Variants in COL28A1 observed in about 807,000 individuals in gnomAD.
COL28A1 encodes the protein collagen type XXVIII alpha 1 chain.
Under a neutral mutation model 150.2 loss-of-function variants are expected in COL28A1, and 161 were observed. That is an observed-to-expected ratio of 1.07 (90% confidence interval 0.94 to 1.22). The LOEUF (loss-of-function observed/expected upper bound fraction) is 1.22, where lower values mean the gene tolerates loss of function less well. Among genes scored for constraint, COL28A1 ranks in the 50% most tolerant of loss-of-function variants. COL28A1 has a pLI of 0.00. For missense variants in COL28A1, 1,617 were observed against 1,388.3 expected (o/e 1.16, Z -2.62); for synonymous variants, 552 against 469.7 (o/e 1.18, Z -2.26).
At chr7:7,462,095 G>T (rs924404889) in intron 15 of COL28A1, among the ~76,000 whole-genome samples, 1 of 152,166 alleles carries the variant, frequency 6.6e-6, no homozygotes, top group East Asian at 1.9e-4. Flanking sequence ...GAGCCCGGTA[G>T]ACTTGCTGGA....
At chr7:7,448,556 T>C (rs560189412) in intron 18 of COL28A1, among the ~76,000 whole-genome samples, 5 of 151,346 alleles carry the variant, frequency 3.3e-5, no homozygotes, top group Admixed American at 6.6e-5. Flanking sequence ...CTTCTAGGTG[T>C]TTACCCAAGA....
chr7:7,464,876 A>T (rs1562742785), intron 15 of COL28A1, among the ~76,000 whole-genome samples: 2 of 152,196 alleles, frequency 1.3e-5, no homozygotes, highest in Non-Finnish European at 2.9e-5. Flanking sequence ...TGAAAAGATA[A>T]ATTGATAGAC....
chr7:7,443,706 C>A (rs1444971882), intron 19 of COL28A1, 53 bp from the exon 20 acceptor site: 6 of 1,605,974 alleles, frequency 3.7e-6, no homozygotes, highest in East Asian at 2.2e-5. Flanking sequence ...ACAGACTGTA[C>A]GTATCATCCC....
intron 13 of COL28A1, among the ~76,000 whole-genome samples, chr7:7,483,306 C>A (rs140237797): frequency 2.4e-4 from 37 of 152,150 alleles, no homozygotes; most frequent in African/African-American, 8.9e-4. Context: ...TTATTTATGA[C>A]GGGTATAGTA....
rs1431047400 is a variant in COL28A1, at chr7:7,436,435, C to A, written c.1820G>T (p.Gly607Val). The part of the protein sequence containing the change: ...KGDRGGPGIP[G>V]FKGEPGLSIR... ...AGAAAGTCCAGGTTCTCCCTTAAAT[C>A]CAGGTATCCCAGGTCCTCCTCTATC... is the stretch of plus-strand genomic sequence containing the variant. Residue 607 changes from glycine (G) to valine (V), a missense_variant, in exon 23 of 35, where the codon GGA becomes GTA. Coordinates refer to ENST00000399429, the MANE Select transcript of COL28A1 (RefSeq NM_001037763.3). 1.4e-6 allele frequency: 2 copies of A among 1,407,018 alleles called. No individual in the cohort carries two copies. The highest frequency in any genetic ancestry group is 2.0e-6 in the Non-Finnish European group (2 of 991,090). 87.2% of individuals were successfully genotyped at this position (1,407,018 alleles called of 1,614,324 possible). A position where few individuals can be genotyped will look rare whatever the true frequency, so the allele number is the denominator to read the frequency against.
intron 27 of COL28A1, among the ~76,000 whole-genome samples, chr7:7,403,857 T>C: frequency 6.6e-6 from 1 of 152,218 alleles, no homozygotes; most frequent in East Asian, 1.9e-4. Context: ...GCATCAATTT[T>C]GTCATAATAA....
chr7:7,378,526 C>T (rs1282411472), intron 30 of COL28A1, among the ~76,000 whole-genome samples: 2 of 152,080 alleles, frequency 1.3e-5, no homozygotes, highest in South Asian at 2.1e-4. Context: ...ATGGCATTTG[C>T]CTCTTAAAAG....
intron 15 of COL28A1, among the ~76,000 whole-genome samples, chr7:7,471,099 C>A (rs2128346681): frequency 9.1e-6 from 1 of 109,670 alleles, no homozygotes; most frequent in Non-Finnish European, 1.8e-5. Flanking sequence ...TACCCTAAAA[C>A]TTAGAGTATA....
intron 9 of COL28A1, among the ~76,000 whole-genome samples, chr7:7,509,143 T>G (rs1046820251): frequency 2.0e-5 from 3 of 152,032 alleles, no homozygotes; most frequent in Admixed American, 6.6e-5. Context: ...CTATTTTGTT[T>G]TTTTTGAGAC....
chr7:7,457,021 T>C (rs184937060), intron 15 of COL28A1, among the ~76,000 whole-genome samples: 1 of 152,310 alleles, frequency 6.6e-6, no homozygotes, highest in African/African-American at 2.4e-5. Flanking sequence ...GCCTGACATG[T>C]TCCAGAAACA....
intron 11 of COL28A1, among the ~76,000 whole-genome samples, chr7:7,502,527 T>C (rs1052734498): frequency 2.6e-5 from 4 of 152,138 alleles, no homozygotes; most frequent in African/African-American, 9.7e-5. Context: ...AGAAAGACCA[T>C]TTGTAAATTC....
At chr7:7,439,104 G>C (rs1039867481) in intron 21 of COL28A1, among the ~76,000 whole-genome samples, 2 of 152,156 alleles carry the variant, frequency 1.3e-5, no homozygotes, top group African/African-American at 4.8e-5. Context: ...AAATTCAATT[G>C]CATGAGCTTC....
upstream of COL28A1, among the ~76,000 whole-genome samples, chr7:7,539,990 C>G (rs182458585): frequency 9.8e-5 from 15 of 152,296 alleles, no homozygotes; most frequent in East Asian, 2.3e-3. Context: ...ATCTCTTTCT[C>G]TAAAATATTT....
chr7:7,441,011 A>G (rs964366823), intron 20 of COL28A1, 150 bp from the exon 21 acceptor site: 2 of 469,106 alleles, frequency 4.3e-6, no homozygotes, highest in Middle Eastern at 3.1e-4. Context: ...AGGATTCGTC[A>G]ATGTTCTTGA....
chr7:7,530,739 G>C (rs1386037885), intron 3 of COL28A1, among the ~76,000 whole-genome samples: 1 of 152,132 alleles, frequency 6.6e-6, no homozygotes, highest in African/African-American at 2.4e-5. Context: ...TTGATTTGAT[G>C]GGAGAAACTG....
intron 15 of COL28A1, among the ~76,000 whole-genome samples, chr7:7,474,068 G>A (rs911480040): frequency 1.5e-5 from 2 of 132,862 alleles, no homozygotes; most frequent in African/African-American, 5.9e-5. Context: ...ATATATATAT[G>A]GAATATATAT....
chr7:7,362,426 C>G (rs867491862), intron 33 of COL28A1, among the ~76,000 whole-genome samples: 3 of 151,804 alleles, frequency 2.0e-5, no homozygotes, highest in Admixed American at 6.6e-5. Context: ...GCTTTTTTAC[C>G]CAGGGATCCT....
intron 3 of COL28A1, among the ~76,000 whole-genome samples, chr7:7,527,037 A>C (rs549340264): frequency 1.8e-4 from 28 of 152,328 alleles, no homozygotes; most frequent in African/African-American, 6.7e-4. Context: ...TTTAAAATTC[A>C]ATTTCTTCTT....
chr7:7,408,673 T>C (rs1440420580), intron 27 of COL28A1, among the ~76,000 whole-genome samples: 1 of 152,128 alleles, frequency 6.6e-6, no homozygotes, highest in Non-Finnish European at 1.5e-5. Flanking sequence ...CTTGTAAAGC[T>C]AGCATTGATT....
Sources: allele counts gnomAD v4.1 joint callset (sites outside exome capture counted in the v4.1 genomes callset), GRCh38; gene constraint gnomAD v4.1.1; transcripts MANE v1.5; gene names NCBI Gene and HGNC (gene_info 2026-07-23, HGNC 2026-07-21).